Variants in TRPM1 observed in about 807,000 individuals in gnomAD.
TRPM1 encodes the protein TRPM1-203 APA Isoform, Intron 10.
Under a neutral mutation model 149.4 loss-of-function variants are expected in TRPM1, and 113 were observed. The observed-to-expected ratio is 0.76, with a 90% CI of 0.65 to 0.88. TRPM1 has a LOEUF of 0.88. Among genes scored for constraint, TRPM1 ranks in the 40% least tolerant of loss-of-function variants. The probability of loss-of-function intolerance (pLI) is 0.00; values close to 1 mark genes in which losing one functional copy is unlikely to be tolerated. For missense variants in TRPM1, 1,976 were observed against 2,038.7 expected (o/e 0.97, Z 0.59); for synonymous variants, 741 against 759.5 (o/e 0.98, Z 0.40).
chr15:31,088,997 T>C (rs187908402), intron 1 of TRPM1, among the ~76,000 whole-genome samples: 79 of 152,298 alleles, frequency 5.2e-4, no homozygotes, highest in Admixed American at 1.8e-3. Context: ...TGGGCAGTTC[T>C]AGATTTAGGG....
At chr15:31,046,273 A>G in intron 15 of TRPM1, 40 bp from the exon 16 acceptor site, 1 of 1,596,688 alleles carries the variant, frequency 6.3e-7, no homozygotes, top group Non-Finnish European at 8.6e-7. Flanking sequence ...CAATTTACTT[A>G]GATAACTAAT....
intron 13 of TRPM1, among the ~76,000 whole-genome samples, chr15:31,048,552 C>T (rs2033848703): frequency 6.6e-6 from 1 of 152,074 alleles, no homozygotes; most frequent in South Asian, 2.1e-4. Context: ...ATATTTGAGC[C>T]TATTATCCCA....
chr15:31,074,714 T>C (rs1248152795), intron 3 of TRPM1, among the ~76,000 whole-genome samples: 1 of 152,160 alleles, frequency 6.6e-6, no homozygotes, highest in Non-Finnish European at 1.5e-5. Context: ...TCCTTCCCTC[T>C]ACTTGCTTTA....
At chr15:31,032,006 G>GTT (rs57762904) in intron 22 of TRPM1, among the ~76,000 whole-genome samples, 54 of 122,736 alleles carry the variant, frequency 4.4e-4, no homozygotes, top group Admixed American at 6.6e-4. Flanking sequence ...ATCAGGCGGG[G>GTT]TTTTTTTTTT....
At chr15:31,010,230 T>A (rs561088287) in intron 27 of TRPM1, among the ~76,000 whole-genome samples, 1 of 152,372 alleles carries the variant, frequency 6.6e-6, no homozygotes, top group Admixed American at 6.5e-5. Flanking sequence ...AGTTCTGACA[T>A]GCTTTCTGTG....
intron 1 of TRPM1, among the ~76,000 whole-genome samples, chr15:31,129,575 C>T (rs1366291767): frequency 3.9e-5 from 6 of 152,164 alleles, no homozygotes; most frequent in African/African-American, 1.4e-4. Flanking sequence ...ACAAAGATGG[C>T]CATTTTAAGT....
chr15:31,019,199 G>A (rs1451859262), intron 27 of TRPM1, among the ~76,000 whole-genome samples: 2 of 152,136 alleles, frequency 1.3e-5, no homozygotes, highest in African/African-American at 4.8e-5. Context: ...CAGAACTACT[G>A]ATCATAAAGT....
rs748021837 is a variant in TRPM1 at position 31,071,431 on chromosome 15, C to T, written c.84-1205G>A. On this transcript the variant is annotated intron_variant, in intron 3 of 27. Transcript: ENST00000256552. ...CGTGCACGTGTGTAATGCACATGTG[C>T]AGGGCCCTTGCCAGAAGGCTTTCTG... Among the ~76,000 whole-genome samples the T allele has an allele frequency of 2.4e-4, 36 of 151,640 alleles. 1 individual carries two copies. The highest frequency in any genetic ancestry group is 4.0e-4 in the Non-Finnish European group (27 of 67,714).
At chr15:31,033,829 G>A (rs992935926) in intron 21 of TRPM1, among the ~76,000 whole-genome samples, 7 of 152,316 alleles carry the variant, frequency 4.6e-5, no homozygotes, top group Admixed American at 2.0e-4. Context: ...AAAGCAGGCC[G>A]CTCAGGAAAT....
Position 31,061,446 on chromosome 15 carries a change from C to A in TRPM1, c.1158G>T (p.Leu386=), listed in dbSNP as rs966790459. The change falls in exon 10 of 28, where the codon CTG becomes CTT. Residue 386 remains leucine, a synonymous_variant. Transcript: ENST00000256552. ...CACCATTTCCTGAGAGCTCACCTTT[C>A]AGCAGGGCAGTTAAAATTGCCATCT... The part of the protein sequence containing the change: ...DIEMAILTAL[L]KGTNVSAPDQ... 6.2e-7 allele frequency: 1 copy of A among 1,614,116 alleles called. No homozygotes were observed. The highest frequency in any genetic ancestry group is 1.1e-5 in the South Asian group (1 of 91,076).
intron 20 of TRPM1, among the ~76,000 whole-genome samples, chr15:31,036,150 T>G (rs1007134464): frequency 5.3e-5 from 8 of 150,662 alleles, no homozygotes; most frequent in African/African-American, 2.4e-5. Context: ...GACCCTAGAG[T>G]CCCCTCAGTT....
intron 13 of TRPM1, 122 bp downstream of exon 13, chr15:31,049,253 A>G: frequency 6.9e-7 from 1 of 1,455,064 alleles, no homozygotes. Context: ...GCCGCCTGCC[A>G]TTAAGTACGG....
chr15:31,128,074 A>AAC (rs2035973624), intron 1 of TRPM1, among the ~76,000 whole-genome samples: 1 of 151,116 alleles, frequency 6.6e-6, no homozygotes, highest in African/African-American at 2.4e-5. Context: ...TTATCTGCAG[A>AAC]CTTTGACCTG....
chr15:31,144,587 A>T (rs2036200216), intron 1 of TRPM1, among the ~76,000 whole-genome samples: 1 of 147,736 alleles, frequency 6.8e-6, no homozygotes, highest in Non-Finnish European at 1.5e-5. Context: ...TATTTTGCAA[A>T]CAAATTAGTT....
intron 16 of TRPM1, among the ~76,000 whole-genome samples, chr15:31,044,405 G>T (rs947937796): frequency 2.0e-5 from 3 of 152,166 alleles, no homozygotes; most frequent in Non-Finnish European, 4.4e-5. Flanking sequence ...GAAGTTGCTT[G>T]ATAAAGCAAA....
intron 3 of TRPM1, among the ~76,000 whole-genome samples, chr15:31,075,440 A>C (rs2034663658): frequency 6.6e-6 from 1 of 152,172 alleles, no homozygotes; most frequent in Admixed American, 6.5e-5. Context: ...ATCTCTAGTT[A>C]CATTTTCTTG....
intron 21 of TRPM1, among the ~76,000 whole-genome samples, chr15:31,034,129 A>C (rs573592297): frequency 6.6e-4 from 100 of 152,296 alleles, no homozygotes; most frequent in South Asian, 6.4e-3. Flanking sequence ...GCTTGGATAC[A>C]TGCTTTCTCT....
Position 31,050,497 on chromosome 15 carries a change from C to G in TRPM1, c.1349G>C (p.Arg450Thr). ...KPPMATTKGG[R>T]GKGKGKKKGK... is the part of the protein sequence containing the mutation. ...TTTCTTCTTGCCTTTCCCTTTTCCT[C>G]TTCCTCCCTTGGTGGTGGCCATGGG... is the stretch of plus-strand genomic sequence containing the variant. The change falls in exon 12 of 28, where the codon AGA (arginine) becomes ACA (threonine). Residue 450 changes from arginine to threonine, a missense_variant. Coordinates refer to ENST00000256552, the MANE Select transcript of TRPM1 (RefSeq NM_001252024.2). The G allele has an allele frequency of 6.2e-7, 1 of 1,614,132 alleles. No individual in the cohort carries two copies. The highest frequency in any genetic ancestry group is 1.1e-5 in the South Asian group (1 of 91,066).
At chr15:31,068,744 CAAAAAA>C (rs60411633) in intron 4 of TRPM1, among the ~76,000 whole-genome samples, 3 of 60,214 alleles carry the variant, frequency 5.0e-5, no homozygotes, top group African/African-American at 1.3e-4. Context: ...AACTCCAACT[CAAAAAA>C]AAAAAAAAAA....
Sources: gnomAD v4.1 joint callset for allele counts (sites outside exome capture counted in the v4.1 genomes callset) on GRCh38, gnomAD v4.1.1 for gene constraint, MANE v1.5 for transcripts, NCBI Gene and HGNC (gene_info 2026-07-23, HGNC 2026-07-21) for gene names.